The following CEP63 variants were observed in gnomAD, a reference collection of about 807,000 sequenced individuals.
CEP63 encodes the protein centrosomal protein 63.
Under a neutral mutation model 89.1 loss-of-function variants are expected in CEP63, and 84 were observed. The ratio of observed to expected loss-of-function variants is 0.94; its 90% CI spans 0.79 to 1.13. CEP63 has a LOEUF of 1.13. Among genes scored for constraint, CEP63 ranks in the 50% most tolerant of loss-of-function variants. The pLI, the probability that CEP63 is intolerant of heterozygous loss-of-function variation, is 0.00. For missense variants in CEP63, 838 were observed against 813.3 expected (o/e 1.03, Z -0.37); for synonymous variants, 267 against 272.5 (o/e 0.98, Z 0.20).
chr3:134,531,758 A>T (rs1949896696), intron 3 of CEP63, 87 bp from the exon 4 acceptor site: 1 of 1,016,236 alleles, frequency 9.8e-7, no homozygotes, highest in East Asian at 2.5e-5. Context: ...TTTACAAATA[A>T]ATACAGAGAT....
the CEP63 span, among the ~76,000 whole-genome samples, chr3:134,777,608 A>ATTTTTTT: frequency 1.0e-5 from 1 of 100,186 alleles, no homozygotes; most frequent in African/African-American, 4.0e-5. Flanking sequence ...AAAGAATAGA[A>ATTTTTTT]TTTTTTTTTT....
chr3:134,597,535 G>A, the CEP63 span, among the ~76,000 whole-genome samples: 1 of 152,168 alleles, frequency 6.6e-6, no homozygotes, highest in African/African-American at 2.4e-5. Context: ...AGTGCAGGTC[G>A]CGGAGAGACT....
At chr3:134,746,641 CATT>C in the CEP63 span, among the ~76,000 whole-genome samples, 1 of 152,192 alleles carries the variant, frequency 6.6e-6, no homozygotes, top group Non-Finnish European at 1.5e-5. Context: ...GTAGGTATCT[CATT>C]GTGGTTTTGA....
chr3:134,709,906 G>T, the CEP63 span, among the ~76,000 whole-genome samples: 1 of 152,208 alleles, frequency 6.6e-6, no homozygotes, highest in Admixed American at 6.5e-5. Flanking sequence ...AACAATCTGT[G>T]ATTATTCATC....
At chr3:134,511,969 A>G (rs9289471) in intron 3 of CEP63, among the ~76,000 whole-genome samples, 100,225 of 152,076 alleles carry the variant, frequency 0.66, 33,424 homozygotes, top group East Asian at 0.81. Context: ...ACTGCTAATC[A>G]AATGACAGGT....
chr3:134,551,922 T>A lies in CEP63; in HGVS notation c.1381-4T>A. 1 of 1,598,920 alleles carries A rather than the reference T, an allele frequency of 6.3e-7. No homozygotes were observed. The highest frequency in any genetic ancestry group is 8.6e-7 in the Non-Finnish European group (1 of 1,169,052). Reference sequence around the variant, plus strand: ...TTTATTTTTTTCTGTTTTCCCCTTTTCAGGAGATTTTGGATCAGCTGGAGT... The same window carrying A: ...TTTATTTTTTTCTGTTTTCCCCTTTACAGGAGATTTTGGATCAGCTGGAGT... On this transcript the variant is annotated splice_polypyrimidine_tract_variant and splice_region_variant and intron_variant, in intron 11 of 14. Coordinates refer to ENST00000675561, the MANE Select transcript of CEP63 (RefSeq NM_001353108.3).
Position 134,559,353 on chromosome 3 carries a change from C to G in CEP63, c.1877C>G (p.Ala626Gly). ...TGTAAAACTCATTCTTTGCCTTCAGCGCTAGATACAAATGAAGCCAATTTT... is the reference window on the plus strand; with the variant it reads ...TGTAAAACTCATTCTTTGCCTTCAGGGCTAGATACAAATGAAGCCAATTTT... Reference protein sequence around the residue: ...SLCKTHSLPSALDTNEANFSD... With the variant: ...SLCKTHSLPSGLDTNEANFSD... Residue 626 changes from alanine (A) to glycine (G), a missense_variant, in exon 14 of 15, where the codon GCG (alanine) becomes GGG (glycine). Ala to Gly is a moderately conservative substitution (Grantham distance 60). Transcript: ENST00000675561. 1 of 1,613,828 alleles carries G rather than the reference C, an allele frequency of 6.2e-7. No individual in the cohort carries two copies. The highest frequency in any genetic ancestry group is 8.5e-7 in the Non-Finnish European group (1 of 1,179,752).
the CEP63 span, among the ~76,000 whole-genome samples, chr3:134,689,152 T>G: frequency 4.6e-5 from 7 of 152,142 alleles, no homozygotes; most frequent in African/African-American, 1.4e-4. Flanking sequence ...TCTCTCCCTC[T>G]CTCTCTCTCA....
the CEP63 span, among the ~76,000 whole-genome samples, chr3:134,618,088 T>C: frequency 6.6e-6 from 1 of 152,008 alleles, no homozygotes; most frequent in South Asian, 2.1e-4. Context: ...TCTCAGGGAT[T>C]GGCCTTGAAA....
chr3:134,573,952 T>C (rs933695199), intron 11 of CEP63, among the ~76,000 whole-genome samples: 1 of 152,236 alleles, frequency 6.6e-6, no homozygotes, highest in Non-Finnish European at 1.5e-5. Flanking sequence ...AAGCCTGGGA[T>C]GGTGAGTGCT....
the CEP63 span, among the ~76,000 whole-genome samples, chr3:134,677,982 C>G: frequency 1.3e-5 from 2 of 151,938 alleles, no homozygotes; most frequent in Non-Finnish European, 2.9e-5. Context: ...CCCTCCAGTT[C>G]CCCTTCTTGC....
the CEP63 span, among the ~76,000 whole-genome samples, chr3:134,661,831 T>C: frequency 1.3e-5 from 2 of 148,422 alleles, no homozygotes; most frequent in Non-Finnish European, 3.0e-5. Context: ...ATTCATATGT[T>C]GAGATCCTAA....
chr3:134,607,505 C>T, the CEP63 span: 2 of 985,574 alleles, frequency 2.0e-6, no homozygotes, highest in African/African-American at 3.5e-5. Flanking sequence ...GAGACGGTGC[C>T]ACCAGGCAGT....
intron 3 of CEP63, among the ~76,000 whole-genome samples, chr3:134,514,181 A>G (rs1025692218): frequency 6.6e-6 from 1 of 152,204 alleles, no homozygotes; most frequent in East Asian, 1.9e-4. Flanking sequence ...AAATGAGTGG[A>G]AATTTTAGAA....
At chr3:134,665,080 G>A in the CEP63 span, among the ~76,000 whole-genome samples, 1 of 152,158 alleles carries the variant, frequency 6.6e-6, no homozygotes, top group African/African-American at 2.4e-5. Flanking sequence ...GCCACTTCTG[G>A]TCCCACCCTG....
chr3:134,575,040 A>G (rs1958165154), downstream of CEP63: 3 of 399,058 alleles, frequency 7.5e-6, no homozygotes, highest in African/African-American at 2.1e-5. Flanking sequence ...CTTCTCATCA[A>G]TACGGACTAT....
At chr3:134,762,046 T>C in the CEP63 span, among the ~76,000 whole-genome samples, 1 of 152,162 alleles carries the variant, frequency 6.6e-6, no homozygotes. Context: ...GTAAGAAACC[T>C]TGACATCAAT....
In CEP63 at chr3:134,564,722, A is replaced by G. The variant is rs1957656260; in HGVS notation, c.*3187A>G. On this transcript the variant is annotated 3_prime_UTR_variant, in exon 15 of 15. Coordinates refer to ENST00000675561, the MANE Select transcript of CEP63 (RefSeq NM_001353108.3). The stretch of plus-strand genomic sequence containing the variant: ...CTGTACCTATGTGCATTGCTGTTAC[A>G]TTCAGGAGATTTCTGAGTTTTAGAC... 1 of 985,452 alleles carries G rather than the reference A, an allele frequency of 1.0e-6. No individual in the cohort carries two copies. The allele number at this position is 985,452 out of a possible 1,614,324, so 61.0% of individuals were successfully genotyped here.
chr3:134,701,220 GTA>G, the CEP63 span, among the ~76,000 whole-genome samples: 2 of 77,880 alleles, frequency 2.6e-5, no homozygotes, highest in East Asian at 3.9e-4. Context: ...ATATATGTGT[GTA>G]TATATACGTA....
Sources: allele counts gnomAD v4.1 joint callset (sites outside exome capture counted in the v4.1 genomes callset), GRCh38; gene constraint gnomAD v4.1.1; transcripts MANE v1.5; gene names NCBI Gene and HGNC (gene_info 2026-07-23, HGNC 2026-07-21).